The following ZFP14 variants were observed in gnomAD, a reference collection of about 807,000 sequenced individuals.
The protein encoded by ZFP14 is zinc finger protein 14 homolog.
ZFP14 carries 22 observed loss-of-function variants against 54.5 expected under a neutral mutation model. The observed-to-expected ratio is 0.40, with a 90% CI of 0.29 to 0.58. ZFP14 has a LOEUF of 0.58. Among genes scored for constraint, ZFP14 ranks in the 20% least tolerant of loss-of-function variants. The probability of loss-of-function intolerance (pLI) is 0.39; values close to 1 mark genes in which losing one functional copy is unlikely to be tolerated. For missense variants in ZFP14, 470 were observed against 637.8 expected (o/e 0.74, Z 2.83); for synonymous variants, 159 against 204.0 (o/e 0.78, Z 1.88).
At chr19:36,353,341 G>A (rs2031560327) in intron 4 of ZFP14, among the ~76,000 whole-genome samples, 1 of 142,586 alleles carries the variant, frequency 7.0e-6, no homozygotes, top group Admixed American at 7.2e-5. Flanking sequence ...CCTCCTAGTG[G>A]GTCTTCAAAC....
chr19:36,354,405 A>C (rs773221488), intron 4 of ZFP14, among the ~76,000 whole-genome samples: 1 of 138,368 alleles, frequency 7.2e-6, no homozygotes, highest in African/African-American at 2.7e-5. Context: ...GCCTTCTCCT[A>C]TGATATACAA....
At chr19:36,373,070 G>A (rs2031904519) in intron 1 of ZFP14, among the ~76,000 whole-genome samples, 1 of 152,068 alleles carries the variant, frequency 6.6e-6, no homozygotes, top group Non-Finnish European at 1.5e-5. Flanking sequence ...CTGAGGTCGG[G>A]AGTTCAAGAC....
chr19:36,346,691 C>T (rs916492587), intron 4 of ZFP14, among the ~76,000 whole-genome samples: 20 of 152,084 alleles, frequency 1.3e-4, no homozygotes, highest in African/African-American at 3.9e-4. Context: ...CTATTGACCT[C>T]GTGATCCACC....
chr19:36,344,829 C>T (rs2031384846), intron 4 of ZFP14, among the ~76,000 whole-genome samples: 1 of 152,168 alleles, frequency 6.6e-6, no homozygotes, highest in South Asian at 2.1e-4. Flanking sequence ...TTTCTCCCGC[C>T]CCAGTCCATG....
At chr19:36,365,503 C>G (rs553760691) in intron 2 of ZFP14, among the ~76,000 whole-genome samples, 63 of 152,262 alleles carry the variant, frequency 4.1e-4, no homozygotes, top group African/African-American at 1.5e-3. Context: ...CAGGATGGTG[C>G]TCTGTTACCT....
intron 4 of ZFP14, among the ~76,000 whole-genome samples, chr19:36,347,503 G>A (rs148934984): frequency 5.9e-4 from 90 of 151,828 alleles, no homozygotes; most frequent in African/African-American, 1.5e-3. Flanking sequence ...CCAGTTACTC[G>A]GGAGGCTGGG....
At chr19:36,362,713 T>A (rs1457322726) in intron 2 of ZFP14, 1 of 198,552 alleles carries the variant, frequency 5.0e-6, no homozygotes, top group Non-Finnish European at 1.0e-5. Context: ...TGTCTCTACA[T>A]AAAAAGAAAT....
rs540015037 is a variant in ZFP14 at position 36,357,152 on chromosome 19, C to T, written c.235+3283G>A. ...CCACCTCCTGGGTTCAAGCAATTGT[C>T]CTGCCTCAGCCTCCTGAGTAGCTGG... On this transcript the variant is annotated intron_variant, in intron 4 of 4. Transcript: ENST00000270001. Among the ~76,000 whole-genome samples the T allele has an allele frequency of 3.9e-5, 6 of 152,292 alleles. No individual in the cohort carries two copies. The South Asian group carries it at 1.2e-3, about 32-fold the overall frequency.
At chr19:36,349,684 TATATATATATA>T (rs1008335987) in intron 4 of ZFP14, among the ~76,000 whole-genome samples, 12 of 140,934 alleles carry the variant, frequency 8.5e-5, no homozygotes, top group African/African-American at 1.3e-4. Flanking sequence ...AAAAAAAATA[TATATATATATA>T]ATATATATAT....
At chr19:36,377,113 TCA>T (rs1233646020) in intron 1 of ZFP14, among the ~76,000 whole-genome samples, 5 of 152,310 alleles carry the variant, frequency 3.3e-5, no homozygotes, top group Middle Eastern at 3.4e-3. Context: ...CATCGTATTG[TCA>T]CTCCTTAAAA....
intron 1 of ZFP14, among the ~76,000 whole-genome samples, chr19:36,376,161 T>C (rs2031959234): frequency 6.6e-6 from 1 of 152,136 alleles, no homozygotes; most frequent in South Asian, 2.1e-4. Context: ...GAGAAATAAA[T>C]AAGATACTAC....
chr19:36,359,652 T>C (rs1439807643), intron 4 of ZFP14, among the ~76,000 whole-genome samples: 2 of 152,144 alleles, frequency 1.3e-5, no homozygotes, highest in Non-Finnish European at 2.9e-5. Context: ...ATTATTCTTA[T>C]TATTCTTCTT....
rs1568464535 is a variant in ZFP14 at position 36,341,619 on chromosome 19, AC to A, written c.236-30del. ...AAAGAAAACAAGAAAGCAAATACAT[AC>A]TGTTTTCCTGTTCCAGAAAGAAAAA... On this transcript the variant is annotated intron_variant, in intron 4 of 4. Transcript: ENST00000270001. This position sits in a 1 kb window ranked among gnomAD's most constrained non-coding sequence, Gnocchi z 4.2. 2 of 1,520,758 alleles carry A rather than the reference AC, an allele frequency of 1.3e-6. No homozygotes were observed. The highest frequency in any genetic ancestry group is 4.6e-5 in the East Asian group (2 of 43,944). 94.2% of individuals were successfully genotyped at this position (1,520,758 alleles called of 1,614,324 possible).
intron 1 of ZFP14, among the ~76,000 whole-genome samples, chr19:36,372,112 G>A (rs2145563829): frequency 6.6e-6 from 1 of 151,106 alleles, no homozygotes; most frequent in East Asian, 1.9e-4. Context: ...AGGAAGGAAG[G>A]AAGAAAGGAA....
At position 36,350,626 on chromosome 19, in the gene ZFP14, C is replaced by G. The variant is rs2031508585; in HGVS notation, c.236-9036G>C. Among the ~76,000 whole-genome samples, 4 of 139,716 alleles carry G rather than the reference C, an allele frequency of 2.9e-5. 1 individual carries two copies. Among genetic ancestry groups the G allele is most frequent in the Admixed American group, 2.2e-4 (3 of 13,360 alleles). 91.7% of individuals were successfully genotyped at this position (139,716 alleles called of 152,430 possible). A position where few individuals can be genotyped will look rare whatever the true frequency, so the allele number is the denominator to read the frequency against. ...TAAAAAACCAAAAAAAAACAAAAAACAGCTTCCTAAATACTTCAAGCAGAT... is the reference window on the plus strand; with the variant it reads ...TAAAAAACCAAAAAAAAACAAAAAAGAGCTTCCTAAATACTTCAAGCAGAT... On this transcript the variant is annotated intron_variant, in intron 4 of 4. Transcript: ENST00000270001.
At chr19:36,363,095 T>C (rs768086091) in intron 2 of ZFP14, among the ~76,000 whole-genome samples, 1 of 152,136 alleles carries the variant, frequency 6.6e-6, no homozygotes, top group African/African-American at 2.4e-5. Flanking sequence ...CTCTTGAACA[T>C]TGTTTTTTTG....
In ZFP14 at chr19:36,368,553, C is replaced by T. The variant is rs187572693; in HGVS notation, c.-79-582G>A. 2.1e-3 allele frequency among the ~76,000 whole-genome samples: 321 copies of T among 152,282 alleles called. 5 individuals are homozygous for T. The highest frequency in any genetic ancestry group is 2.4e-4 in the Non-Finnish European group (16 of 68,024). On this transcript the variant is annotated intron_variant, in intron 1 of 4. Coordinates refer to ENST00000270001, the MANE Select transcript of ZFP14 (RefSeq NM_020917.3). The stretch of plus-strand genomic sequence containing the variant: ...TCTGCAAGAGGATTTCTGACCAGGT[C>T]GCCCTCTAGCAATGTGGATCTGGTC...
intron 4 of ZFP14, among the ~76,000 whole-genome samples, chr19:36,343,692 T>G (rs1226316532): frequency 6.6e-6 from 1 of 152,176 alleles, no homozygotes. Context: ...TTAACAATTA[T>G]GGGGGCTGAG....
At position 36,337,824 on chromosome 19, in the gene ZFP14, G is replaced by C. The variant is rs1389762827; in HGVS notation, c.*2400C>G. 1 of 152,104 alleles carries C rather than the reference G, an allele frequency of 6.6e-6. No homozygotes were observed. Among genetic ancestry groups the C allele is most frequent in the Non-Finnish European group, 1.5e-5 (1 of 68,022 alleles). The allele number at this position is 152,104 out of a possible 1,614,324, so 9.4% of individuals were successfully genotyped here. The stretch of plus-strand genomic sequence containing the variant: ...CAAAGGGTTCAGAGGTGGCCAGTTT[G>C]ATAGATCCACCATAAAAATCTCGCT... On this transcript the variant is annotated 3_prime_UTR_variant, in exon 5 of 5. Transcript: ENST00000270001.
Sources: allele counts gnomAD v4.1 joint callset (sites outside exome capture counted in the v4.1 genomes callset), GRCh38; gene constraint gnomAD v4.1.1; non-coding constraint Gnocchi (gnomAD v3.1); transcripts MANE v1.5; gene names NCBI Gene and HGNC (gene_info 2026-07-23, HGNC 2026-07-21).